HIVEP3: variants seen among roughly 807,000 people sequenced by gnomAD.
HIVEP3 encodes HIVEP zinc finger 3.
HIVEP3 carries 49 observed loss-of-function variants against 152.8 expected under a neutral mutation model. That is an observed-to-expected ratio of 0.32 (90% CI 0.26 to 0.41). The LOEUF (loss-of-function observed/expected upper bound fraction) is 0.41, where lower values mean the gene tolerates loss of function less well. HIVEP3 is among the 10% of genes least tolerant of loss of function. The pLI, the probability that HIVEP3 is intolerant of heterozygous loss-of-function variation, is 1.00. For synonymous variants in HIVEP3, 1,269 were observed against 1,289.0 expected, an observed-to-expected ratio of 0.98 and a Z score of 0.33; for missense variants, 2,790 against 3,103.3, an observed-to-expected ratio of 0.90 and a Z score of 2.40.
intron 1 of HIVEP3, among the ~76,000 whole-genome samples, chr1:42,032,471 T>A (rs923214866): frequency 6.6e-6 from 1 of 152,166 alleles, no homozygotes; most frequent in African/African-American, 2.4e-5. Context: ...CCCACCATAT[T>A]TAAATGGTAC....
chr1:41,596,008 A>AG lies in HIVEP3; in HGVS notation c.-521-10691dup, dbSNP rs1644660679. Among the ~76,000 whole-genome samples the AG allele has an allele frequency of 2.0e-5, 3 of 152,014 alleles. 1 individual carries two copies. The Middle Eastern group carries it at 0.01, about 517-fold the overall frequency. On this transcript the variant is annotated intron_variant, in intron 3 of 8. Transcript: ENST00000372583. ...CCTCTAGAGAACCCTGACTAATACA[A>AG]GGTTCAATGTACGCAAAGCACAGGG...
rs764923546 is a variant in HIVEP3 at position 41,580,119 on chromosome 1, GGTT to G, written c.4676_4678del (p.Gln1559del). 5.5e-5 allele frequency: 88 copies of G among 1,614,044 alleles called. No homozygotes were observed. In the South Asian group the frequency reaches 9.6e-4, roughly 18 times the overall value. Reference sequence around the variant, plus strand: ...CGGAGGTGCCAAGGAGGGGAGATCAGGTTGTTCCTTGGAATCTTCTTTCTTCAC... The same window carrying G: ...CGGAGGTGCCAAGGAGGGGAGATCAGGTTCCTTGGAATCTTCTTTCTTCAC... On this transcript the variant is annotated inframe_deletion, in exon 4 of 9. Transcript: ENST00000372583.
At chr1:41,745,516 C>G (rs1647058147) in intron 1 of HIVEP3, among the ~76,000 whole-genome samples, 2 of 152,234 alleles carry the variant, frequency 1.3e-5, no homozygotes, top group South Asian at 2.1e-4. Context: ...ATCCACTAGG[C>G]CTCCAACACT....
chr1:41,534,593 C>T (rs917624116), intron 5 of HIVEP3, among the ~76,000 whole-genome samples: 6 of 152,228 alleles, frequency 3.9e-5, no homozygotes, highest in African/African-American at 1.4e-4. Flanking sequence ...GCACAGCCCC[C>T]ATCATCCCTG....
At chr1:41,926,620 T>C (rs1449171753) in intron 1 of HIVEP3, among the ~76,000 whole-genome samples, 1 of 152,156 alleles carries the variant, frequency 6.6e-6, no homozygotes, top group East Asian at 1.9e-4. Flanking sequence ...TGAGCAGTTA[T>C]GGAGAGCTTA....
chr1:41,806,537 G>A (rs930459465), intron 1 of HIVEP3, among the ~76,000 whole-genome samples: 1 of 152,366 alleles, frequency 6.6e-6, no homozygotes, highest in South Asian at 2.1e-4. Context: ...GGTAAGAAGA[G>A]CATGGATGCA....
chr1:41,560,474 C>A (rs1261671865), intron 5 of HIVEP3, among the ~76,000 whole-genome samples: 3 of 152,168 alleles, frequency 2.0e-5, no homozygotes, highest in Non-Finnish European at 4.4e-5. Flanking sequence ...ATACTCCCAG[C>A]ACTCCCGAGA....
chr1:41,516,759 T>A (rs1285051218), intron 7 of HIVEP3, among the ~76,000 whole-genome samples: 2 of 152,224 alleles, frequency 1.3e-5, no homozygotes, highest in East Asian at 3.9e-4. Context: ...ACCCCACACC[T>A]GCTGCTCCCT....
chr1:41,906,044 TC>T (rs1644704354), intron 1 of HIVEP3, among the ~76,000 whole-genome samples: 1 of 152,138 alleles, frequency 6.6e-6, no homozygotes, highest in Admixed American at 6.5e-5. Context: ...GCGCGGTGGC[TC>T]ACGCCTGTAA....
chr1:41,825,196 T>A (rs1642762647), intron 1 of HIVEP3, among the ~76,000 whole-genome samples: 1 of 151,894 alleles, frequency 6.6e-6, no homozygotes, highest in Non-Finnish European at 1.5e-5. Context: ...TTTTTGCGGG[T>A]AGGGGGATGG....
chr1:41,613,200 A>G (rs1644922310), intron 3 of HIVEP3, among the ~76,000 whole-genome samples: 3 of 152,258 alleles, frequency 2.0e-5, no homozygotes, highest in Admixed American at 1.3e-4. Flanking sequence ...GGGTTTCCCA[A>G]TAGGCTTTGG....
intron 1 of HIVEP3, among the ~76,000 whole-genome samples, chr1:41,907,803 C>G (rs1285708087): frequency 6.6e-6 from 1 of 152,182 alleles, no homozygotes; most frequent in Non-Finnish European, 1.5e-5. Flanking sequence ...AGTCCCTTGG[C>G]CAAGAGGCAT....
chr1:42,019,058 G>A (rs1286887901), intron 1 of HIVEP3, among the ~76,000 whole-genome samples: 1 of 151,930 alleles, frequency 6.6e-6, no homozygotes, highest in Non-Finnish European at 1.5e-5. Context: ...AGAACTCATA[G>A]AGGTTGAGGA....
chr1:41,815,765 T>A (rs929200897), intron 1 of HIVEP3, among the ~76,000 whole-genome samples: 5 of 151,904 alleles, frequency 3.3e-5, no homozygotes, highest in African/African-American at 9.7e-5. Flanking sequence ...TTTTTTTTTT[T>A]TTATTGTTGT....
At chr1:41,978,993 G>T (rs937799174) in intron 1 of HIVEP3, among the ~76,000 whole-genome samples, 1 of 152,046 alleles carries the variant, frequency 6.6e-6, no homozygotes, top group African/African-American at 2.4e-5. Flanking sequence ...TGTCAAGAAG[G>T]CATCCTCTCT....
intron 2 of HIVEP3, among the ~76,000 whole-genome samples, chr1:41,676,385 G>A (rs1406816018): frequency 6.6e-6 from 1 of 152,124 alleles, no homozygotes; most frequent in Non-Finnish European, 1.5e-5. Flanking sequence ...AGGCCTGGGT[G>A]AGGCTGGGGA....
rs182083027 is a variant in HIVEP3 at position 41,509,306 on chromosome 1, G to C, written c.*1145C>G. ...GTGGGTATTTCCTTGGGGTAGTGGA[G>C]ACAGGGGCAGGGACGGGGGGAAACG... On this transcript the variant is annotated 3_prime_UTR_variant, in exon 9 of 9. Transcript: ENST00000372583. 2 of 152,340 alleles carry C rather than the reference G, an allele frequency of 1.3e-5. No individual in the cohort carries two copies. The highest frequency in any genetic ancestry group is 4.8e-5 in the African/African-American group (2 of 41,558). 9.4% of individuals were successfully genotyped at this position (152,340 alleles called of 1,614,324 possible). A position where few individuals can be genotyped will look rare whatever the true frequency, so the allele number is the denominator to read the frequency against.
intron 1 of HIVEP3, among the ~76,000 whole-genome samples, chr1:41,948,408 C>T (rs1203345176): frequency 1.5e-4 from 23 of 152,160 alleles, no homozygotes; most frequent in Admixed American, 1.4e-3. Flanking sequence ...ACCTATCAAA[C>T]ATCAGGAAGC....
chr1:41,733,082 G>A (rs879297948), intron 1 of HIVEP3, among the ~76,000 whole-genome samples: 1 of 152,196 alleles, frequency 6.6e-6, no homozygotes, highest in Non-Finnish European at 1.5e-5. Flanking sequence ...ATCACATGGA[G>A]GAAATGTTCT....
Sources: allele counts gnomAD v4.1 joint callset (sites outside exome capture counted in the v4.1 genomes callset), GRCh38; gene constraint gnomAD v4.1.1; transcripts MANE v1.5; gene names NCBI Gene and HGNC (gene_info 2026-07-23, HGNC 2026-07-21).